Variants in SUSD5 observed in about 807,000 individuals in gnomAD.
SUSD5 encodes the protein sushi domain containing 5.
Under a neutral mutation model 29.5 loss-of-function variants are expected in SUSD5, and 33 were observed. That is an observed-to-expected ratio of 1.12 (90% CI 0.85 to 1.49). The LOEUF (loss-of-function observed/expected upper bound fraction) is 1.49. Ranked by LOEUF, SUSD5 falls within the 40% of genes most tolerant of loss-of-function variation. The probability of loss-of-function intolerance (pLI) is 0.00; values close to 1 mark genes in which losing one functional copy is unlikely to be tolerated. For synonymous variants in SUSD5, 308 were observed against 325.3 expected (o/e 0.95, Z 0.57); for missense variants, 776 against 800.6 (o/e 0.97, Z 0.37).
At chr3:33,187,610 C>T (rs1437306664) in intron 3 of SUSD5, among the ~76,000 whole-genome samples, 1 of 151,946 alleles carries the variant, frequency 6.6e-6, no homozygotes, top group Non-Finnish European at 1.5e-5. Context: ...GGACCTTCTT[C>T]TCCTCTCTAG....
intron 4 of SUSD5, among the ~76,000 whole-genome samples, chr3:33,166,514 T>A (rs1415301111): frequency 2.0e-5 from 3 of 152,094 alleles, no homozygotes; most frequent in African/African-American, 7.2e-5. Flanking sequence ...AGAACAGAGT[T>A]CACCGCTGTC....
chr3:33,170,717 C>T (rs944729655), intron 4 of SUSD5, among the ~76,000 whole-genome samples: 11 of 152,218 alleles, frequency 7.2e-5, no homozygotes, highest in African/African-American at 1.4e-4. Context: ...GGCCAGCTGC[C>T]GGTCTCCAGA....
chr3:33,178,444 TTG>T (rs1305552800), intron 3 of SUSD5, among the ~76,000 whole-genome samples: 1 of 135,000 alleles, frequency 7.4e-6, no homozygotes, highest in African/African-American at 2.5e-5. Flanking sequence ...AGTTTTTTTT[TTG>T]TTGTTGTTTT....
chr3:33,153,692 T>C lies in SUSD5; in HGVS notation c.940A>G (p.Thr314Ala). 1 of 1,614,046 alleles carries C rather than the reference T, an allele frequency of 6.2e-7. No individual in the cohort carries two copies. Among genetic ancestry groups the C allele is most frequent in the Non-Finnish European group, 8.5e-7 (1 of 1,179,898 alleles). ...PGLEKEVDDD[T>A]KKQFSAGDNH... is the part of the protein sequence containing the mutation. ...TCTCCAGCAGAAAACTGCTTTTTGG[T>C]GTCATCATCCACCTCCTTTTCCAAC... Residue 314 changes from threonine (T) to alanine (A), a missense_variant, in exon 5 of 5, where the codon ACC becomes GCC. Thr to Ala is a moderately conservative substitution (Grantham distance 58). Coordinates refer to ENST00000309558, the MANE Select transcript of SUSD5 (RefSeq NM_015551.2).
At chr3:33,216,084 A>C (rs1307054802) in intron 1 of SUSD5, among the ~76,000 whole-genome samples, 1 of 152,158 alleles carries the variant, frequency 6.6e-6, no homozygotes, top group Non-Finnish European at 1.5e-5. Context: ...AAAACGGATA[A>C]ACCCCTACTA....
chr3:33,211,011 C>A (rs1344861497), intron 2 of SUSD5, among the ~76,000 whole-genome samples: 1 of 152,060 alleles, frequency 6.6e-6, no homozygotes, highest in East Asian at 1.9e-4. Context: ...GTAGCTGGGA[C>A]TACAGGCACA....
At chr3:33,180,425 A>G (rs1353501236) in intron 3 of SUSD5, among the ~76,000 whole-genome samples, 1 of 152,216 alleles carries the variant, frequency 6.6e-6, no homozygotes, top group East Asian at 1.9e-4. Context: ...CAGTGGCATG[A>G]TCATGGCTCA....
chr3:33,200,350 T>C (rs560081590), intron 3 of SUSD5, among the ~76,000 whole-genome samples: 1 of 152,186 alleles, frequency 6.6e-6, no homozygotes, highest in African/African-American at 2.4e-5. Context: ...TAAGCAGAAA[T>C]TGGTAACAAG....
intron 3 of SUSD5, among the ~76,000 whole-genome samples, chr3:33,195,698 G>A (rs2031981377): frequency 6.7e-6 from 1 of 149,114 alleles, no homozygotes; most frequent in South Asian, 2.1e-4. Flanking sequence ...ATTCTTTGAA[G>A]CATATTCAAT....
intron 2 of SUSD5, among the ~76,000 whole-genome samples, chr3:33,210,956 C>G (rs1377958910): frequency 6.6e-6 from 1 of 152,176 alleles, no homozygotes; most frequent in African/African-American, 2.4e-5. Context: ...TCACTGCAAC[C>G]TCTGTCTCCC....
intron 2 of SUSD5, among the ~76,000 whole-genome samples, chr3:33,209,300 G>A (rs1317060874): frequency 1.3e-5 from 2 of 151,942 alleles, no homozygotes; most frequent in East Asian, 1.9e-4. Flanking sequence ...AGCTTTGCAG[G>A]GATTCTTGAA....
chr3:33,189,734 T>C (rs567821787), intron 3 of SUSD5, among the ~76,000 whole-genome samples: 18 of 152,274 alleles, frequency 1.2e-4, no homozygotes, highest in African/African-American at 4.1e-4. Context: ...CTAATTAGAT[T>C]GGCATAGTTA....
chr3:33,166,096 G>A (rs1313421287), intron 4 of SUSD5, among the ~76,000 whole-genome samples: 2 of 151,988 alleles, frequency 1.3e-5, no homozygotes, highest in African/African-American at 4.8e-5. Context: ...TAACCCAGCT[G>A]CTGCTGGTAT....
intron 3 of SUSD5, among the ~76,000 whole-genome samples, chr3:33,203,919 T>C (rs1032494141): frequency 1.3e-5 from 2 of 152,148 alleles, no homozygotes; most frequent in African/African-American, 4.8e-5. Flanking sequence ...TTGTTGCTGT[T>C]GTTGTTTGAG....
rs2030854615 is a variant in SUSD5 at position 33,150,767 on chromosome 3, A to G, written c.*1975T>C. On this transcript the variant is annotated 3_prime_UTR_variant, in exon 5 of 5. Coordinates refer to ENST00000309558, the MANE Select transcript of SUSD5 (RefSeq NM_015551.2). ...GCTGAAAAGAGGTGGCAGGGTAGAA[A>G]ACATGTTGCGAATGTTTTTTTTCCT... 1 of 152,180 alleles carries G rather than the reference A, an allele frequency of 6.6e-6. No homozygotes were observed. The highest frequency in any genetic ancestry group is 2.4e-5 in the African/African-American group (1 of 41,434). 9.4% of individuals were successfully genotyped at this position (152,180 alleles called of 1,614,324 possible). A position where few individuals can be genotyped will look rare whatever the true frequency, so the allele number is the denominator to read the frequency against.
chr3:33,211,463 C>A (rs1054322568), intron 2 of SUSD5, among the ~76,000 whole-genome samples: 1 of 152,214 alleles, frequency 6.6e-6, no homozygotes, highest in African/African-American at 2.4e-5. Context: ...CATATTTTGT[C>A]TATTCAAGAG....
chr3:33,184,104 C>CT (rs369273956), intron 3 of SUSD5, among the ~76,000 whole-genome samples: 1 of 150,764 alleles, frequency 6.6e-6, no homozygotes, highest in Non-Finnish European at 1.5e-5. Context: ...CACCTGGCTA[C>CT]TTTTTTTGTA....
intron 3 of SUSD5, among the ~76,000 whole-genome samples, chr3:33,186,742 G>T (rs1415688588): frequency 6.6e-6 from 1 of 152,052 alleles, no homozygotes; most frequent in East Asian, 1.9e-4. Context: ...TCTTAAAGAC[G>T]CTCATTGCTA....
At chr3:33,170,939 A>C (rs1273527345) in intron 4 of SUSD5, among the ~76,000 whole-genome samples, 1 of 152,256 alleles carries the variant, frequency 6.6e-6, no homozygotes, top group Non-Finnish European at 1.5e-5. Flanking sequence ...AAAGAGAATG[A>C]ACATTTACTG....
Sources: gnomAD v4.1 joint callset for allele counts (sites outside exome capture counted in the v4.1 genomes callset) on GRCh38, gnomAD v4.1.1 for gene constraint, MANE v1.5 for transcripts, NCBI Gene and HGNC (gene_info 2026-07-23, HGNC 2026-07-21) for gene names.